The following WIPF3 variants were observed in gnomAD, a reference collection of about 807,000 sequenced individuals.
The protein encoded by WIPF3 is WAS/WASL-interacting protein family member 3.
Under a neutral mutation model 38.9 loss-of-function variants are expected in WIPF3, and 33 were observed. The observed-to-expected ratio is 0.85, with a 90% CI of 0.64 to 1.14. The LOEUF is 1.14. Ranked by LOEUF, WIPF3 falls within the 50% of genes most tolerant of loss-of-function variation. WIPF3 has a pLI of 0.00. For missense variants in WIPF3, 711 were observed against 652.5 expected (o/e 1.09, Z -0.98); for synonymous variants, 324 against 269.3 (o/e 1.20, Z -1.99).
rs1785659241 is a variant in WIPF3, at chr7:29,878,847, G to A, written c.224-162G>A. On this transcript the variant is annotated intron_variant, in intron 3 of 8. Transcript: ENST00000242140. This position sits in a 1 kb window ranked among gnomAD's most constrained non-coding sequence, Gnocchi z 4.0. ...AGTCTACAGGGTATCAAGGCAGAGG[G>A]TGCTTGGGGAGGATGCTGAGTGAAA... 6.6e-6 allele frequency among the ~76,000 whole-genome samples: 1 copy of A among 152,164 alleles called. No individual in the cohort carries two copies. Among genetic ancestry groups the A allele is most frequent in the Non-Finnish European group, 1.5e-5 (1 of 68,040 alleles).
intron 2 of WIPF3, among the ~76,000 whole-genome samples, chr7:29,845,687 G>C (rs1784988389): frequency 6.6e-6 from 1 of 152,216 alleles, no homozygotes; most frequent in Non-Finnish European, 1.5e-5. Context: ...AATGTTGTGA[G>C]CTCTCTCCTA....
At chr7:29,898,938 T>A (rs1786216325) in intron 7 of WIPF3, among the ~76,000 whole-genome samples, 1 of 152,218 alleles carries the variant, frequency 6.6e-6, no homozygotes, top group Non-Finnish European at 1.5e-5. Context: ...TAGCTCAGGC[T>A]GCCATAACAA....
intron 2 of WIPF3, among the ~76,000 whole-genome samples, chr7:29,867,282 C>T (rs1386299603): frequency 6.6e-6 from 1 of 152,158 alleles, no homozygotes; most frequent in African/African-American, 2.4e-5. Flanking sequence ...AGCAAGGAGC[C>T]ATAGGGACCT....
intron 2 of WIPF3, among the ~76,000 whole-genome samples, chr7:29,870,851 A>G (rs1454741265): frequency 1.3e-5 from 2 of 151,874 alleles, no homozygotes; most frequent in Admixed American, 1.3e-4. Flanking sequence ...CAGCTACTCC[A>G]GAGGCTGAGG....
At chr7:29,908,218 C>A (rs1445870575) in intron 8 of WIPF3, among the ~76,000 whole-genome samples, 1 of 152,046 alleles carries the variant, frequency 6.6e-6, no homozygotes, top group Non-Finnish European at 1.5e-5. Context: ...TAACATCAGG[C>A]AAAATAGACA....
At chr7:29,829,094 A>G (rs1784674863) in intron 1 of WIPF3, among the ~76,000 whole-genome samples, 2 of 152,182 alleles carry the variant, frequency 1.3e-5, no homozygotes, top group African/African-American at 4.8e-5. Context: ...GCCTGGTGAA[A>G]AATAAGATCA....
rs141835054 is a variant in WIPF3, at chr7:29,837,722, G to A, written c.90+2908G>A. Among the ~76,000 whole-genome samples the A allele has an allele frequency of 1.2e-3, 180 of 152,152 alleles. 1 individual carries two copies. Among genetic ancestry groups the A allele is most frequent in the African/African-American group, 4.0e-3 (164 of 41,518 alleles). ...TACATATTAAAGGCAAATAATTAAC[G>A]TCTTTAGCATATAAAGAGCTCTTAC... On this transcript the variant is annotated intron_variant, in intron 2 of 8. Transcript: ENST00000242140.
At chr7:29,855,623 A>C (rs1026861105) in intron 2 of WIPF3, among the ~76,000 whole-genome samples, 11 of 151,696 alleles carry the variant, frequency 7.3e-5, no homozygotes, top group Non-Finnish European at 1.6e-4. Flanking sequence ...TGCTGGAGTG[A>C]TGGGGCTCAG....
chr7:29,812,356 T>C lies in WIPF3; in HGVS notation c.-58+5678T>C, dbSNP rs1037369867. On this transcript the variant is annotated intron_variant, in intron 1 of 8. Coordinates refer to ENST00000242140, the MANE Select transcript of WIPF3 (RefSeq NM_001080529.3). ...GGAATTAGACTCCTAAGAAAGGCAGTCTGGGGCCTGTGCAGGAGCTATCTG... is the reference window on the plus strand; with the variant it reads ...GGAATTAGACTCCTAAGAAAGGCAGCCTGGGGCCTGTGCAGGAGCTATCTG... Among the ~76,000 whole-genome samples the C allele has an allele frequency of 3.9e-5, 6 of 152,166 alleles. No individual in the cohort carries two copies. The South Asian group carries it at 1.0e-3, about 26-fold the overall frequency.
At chr7:29,808,016 T>A (rs1784310842) in intron 1 of WIPF3, among the ~76,000 whole-genome samples, 1 of 152,142 alleles carries the variant, frequency 6.6e-6, no homozygotes, top group African/African-American at 2.4e-5. Flanking sequence ...TTTTGGGCCT[T>A]GCAAGGAGAT....
chr7:29,824,164 C>T (rs939871475), intron 1 of WIPF3, among the ~76,000 whole-genome samples: 2 of 152,054 alleles, frequency 1.3e-5, no homozygotes, highest in Non-Finnish European at 2.9e-5. Context: ...AAAATAGGTC[C>T]GGGCATGGTG....
chr7:29,831,967 TAA>T (rs1784730117), intron 1 of WIPF3, among the ~76,000 whole-genome samples: 1 of 152,224 alleles, frequency 6.6e-6, no homozygotes, highest in Admixed American at 6.5e-5. Flanking sequence ...CAGTTCTCCT[TAA>T]AGTCTCTTTA....
chr7:29,822,271 TC>T (rs1784552009), intron 1 of WIPF3, among the ~76,000 whole-genome samples: 1 of 152,104 alleles, frequency 6.6e-6, no homozygotes, highest in Middle Eastern at 3.2e-3. Context: ...CAGCAAGAAT[TC>T]TTTTTGGCTT....
At chr7:29,875,691 T>A in intron 2 of WIPF3, 139 bp from the exon 3 acceptor site, 1 of 1,148,280 alleles carries the variant, frequency 8.7e-7, no homozygotes, top group Non-Finnish European at 1.2e-6. Context: ...AAAGTGTCTC[T>A]CCCATAGGTA....
intron 7 of WIPF3, among the ~76,000 whole-genome samples, chr7:29,902,474 T>C (rs1386133007): frequency 6.6e-6 from 1 of 152,096 alleles, no homozygotes; most frequent in African/African-American, 2.4e-5. Flanking sequence ...TTTAAAAAAT[T>C]GTACCTTACC....
intron 2 of WIPF3, among the ~76,000 whole-genome samples, chr7:29,859,040 A>G (rs559263578): frequency 7.9e-5 from 12 of 152,348 alleles, no homozygotes; most frequent in African/African-American, 2.9e-4. Context: ...AGACAGATAC[A>G]TGTCAAGATG....
At chr7:29,859,776 AT>A (rs1345611326) in intron 2 of WIPF3, among the ~76,000 whole-genome samples, 3 of 152,172 alleles carry the variant, frequency 2.0e-5, no homozygotes. Context: ...GTTAAAATGC[AT>A]GGCCATTTTA....
At chr7:29,867,645 G>C (rs994745636) in intron 2 of WIPF3, among the ~76,000 whole-genome samples, 2 of 130,804 alleles carry the variant, frequency 1.5e-5, no homozygotes, top group Non-Finnish European at 3.1e-5. Flanking sequence ...AAATTTTCTC[G>C]TAATTTAAAA....
intron 1 of WIPF3, among the ~76,000 whole-genome samples, chr7:29,827,107 A>G (rs781399450): frequency 1.4e-4 from 21 of 152,210 alleles, no homozygotes; most frequent in Non-Finnish European, 1.9e-4. Flanking sequence ...ACTGTTATCT[A>G]GAGCACAAAT....
Sources: allele counts gnomAD v4.1 joint callset (sites outside exome capture counted in the v4.1 genomes callset), GRCh38; gene constraint gnomAD v4.1.1; non-coding constraint Gnocchi (gnomAD v3.1); transcripts MANE v1.5; gene names NCBI Gene and HGNC (gene_info 2026-07-23, HGNC 2026-07-21).